The following KICS2 variants were observed in gnomAD, a reference collection of about 807,000 sequenced individuals.
KICS2 encodes the protein KICSTOR subunit 2.
In KICS2, 13 loss-of-function variants were observed where a neutral mutation model predicts 31.4. The observed-to-expected ratio is 0.41, with a 90% CI of 0.27 to 0.66. KICS2 has a LOEUF of 0.66. Ranked by LOEUF, KICS2 falls within the 30% of genes least tolerant of loss-of-function variation. The pLI is 0.28. For synonymous variants in KICS2, 209 were observed against 214.8 expected (o/e 0.97, Z 0.24); for missense variants, 455 against 545.4 (o/e 0.83, Z 1.65).
At position 64,194,429 on chromosome 12, in the gene KICS2, GC is replaced by G; in HGVS notation, c.750del (p.Gln250HisfsTer9). 1 of 1,614,198 alleles carries G rather than the reference GC, an allele frequency of 6.2e-7. No homozygotes were observed. The highest frequency in any genetic ancestry group is 8.5e-7 in the Non-Finnish European group (1 of 1,180,032). ...ATCAGCCAAAGGAAAAGGTGTGGAGGCTGCACGGCCTTCTGAGACTGCCCTC... is the reference window on the plus strand; with the variant it reads ...ATCAGCCAAAGGAAAAGGTGTGGAGGTGCACGGCCTTCTGAGACTGCCCTC... ...LFGGQSQKAV[Q>X]PPHLFLWLMK... On this transcript the variant is annotated frameshift_variant, in exon 3 of 3. Transcript: ENST00000398055. LOFTEE classifies it high-confidence loss of function.
At chr12:64,214,015 G>A (rs530225935) in intron 2 of KICS2, among the ~76,000 whole-genome samples, 1 of 152,286 alleles carries the variant, frequency 6.6e-6, no homozygotes, top group East Asian at 1.9e-4. Context: ...ATCATAGCCT[G>A]CTAAACTAAC....
At position 64,222,295 on chromosome 12, in the gene KICS2, C is replaced by T; in HGVS notation, c.-58G>A. 2 of 1,585,318 alleles carry T rather than the reference C, an allele frequency of 1.3e-6. No individual in the cohort carries two copies. The highest frequency in any genetic ancestry group is 1.8e-5 in the Admixed American group (1 of 55,746). ...CTCCTCGGCCTCGCACTTCCGGGTT[C>T]TGAGGGAACGGGCTTGCGCACAAGC... On this transcript the variant is annotated 5_prime_UTR_variant, in exon 1 of 3. Transcript: ENST00000398055.
At position 64,195,564 on chromosome 12, in the gene KICS2, T is replaced by C. The variant is rs935435752; in HGVS notation, c.522-906A>G. On this transcript the variant is annotated intron_variant, in intron 2 of 2. Transcript: ENST00000398055. ...TCCCAAATTCCCTTCATATTAATTATAGTTAAAAACAAAATGGTGTGGGGA... is the reference window on the plus strand; with the variant it reads ...TCCCAAATTCCCTTCATATTAATTACAGTTAAAAACAAAATGGTGTGGGGA... 2.0e-5 allele frequency among the ~76,000 whole-genome samples: 3 copies of C among 152,194 alleles called. No homozygotes were observed. The East Asian group carries it at 5.8e-4, about 29-fold the overall frequency.
At chr12:64,196,007 G>T (rs1218167678) in intron 2 of KICS2, among the ~76,000 whole-genome samples, 2 of 152,230 alleles carry the variant, frequency 1.3e-5, no homozygotes, top group Admixed American at 6.5e-5. Context: ...ACTGCAAGGC[G>T]GCAGCGAGGC....
Position 64,192,617 on chromosome 12 carries a change from C to T in KICS2, c.*1225G>A. ...CATTTCACACAAGCTTCAAAGGAAC[C>T]ATCAAACCAGTAACAACTCAATTAC... On this transcript the variant is annotated 3_prime_UTR_variant, in exon 3 of 3. Transcript: ENST00000398055. The T allele has an allele frequency of 1.0e-6, 1 of 985,346 alleles. No homozygotes were observed. The highest frequency in any genetic ancestry group is 1.1e-4 in the East Asian group (1 of 8,806). The allele number at this position is 985,346 out of a possible 1,614,324, so 61.0% of individuals were successfully genotyped here.
At chr12:64,209,281 A>G (rs1436427782) in intron 2 of KICS2, among the ~76,000 whole-genome samples, 1 of 152,100 alleles carries the variant, frequency 6.6e-6, no homozygotes, top group African/African-American at 2.4e-5. Flanking sequence ...GAACTTATAT[A>G]TGCTTAATAA....
In KICS2 at chr12:64,193,637, A is replaced by G. The variant is rs2037402639; in HGVS notation, c.*205T>C. 2.9e-6 allele frequency: 4 copies of G among 1,401,254 alleles called. No homozygotes were observed. Among genetic ancestry groups the G allele is most frequent in the Admixed American group, 6.2e-5 (2 of 32,026 alleles). 86.8% of individuals were successfully genotyped at this position (1,401,254 alleles called of 1,614,324 possible). A position where few individuals can be genotyped will look rare whatever the true frequency, so the allele number is the denominator to read the frequency against. On this transcript the variant is annotated 3_prime_UTR_variant, in exon 3 of 3. Coordinates refer to ENST00000398055, the MANE Select transcript of KICS2 (RefSeq NM_152440.5). ...GTACCATGGAGACACATGGTAGCCCATGACCACTTCCTAGATTACTCTTTG... is the reference window on the plus strand; with the variant it reads ...GTACCATGGAGACACATGGTAGCCCGTGACCACTTCCTAGATTACTCTTTG...
At chr12:64,188,677 T>TAA (rs989731514), downstream of KICS2, among the ~76,000 whole-genome samples, 2 of 150,414 alleles carry the variant, frequency 1.3e-5, no homozygotes, top group Non-Finnish European at 1.5e-5. Context: ...GAGGAAGGAA[T>TAA]AAAGGAAAGT....
At chr12:64,217,225 T>A (rs893996167) in intron 1 of KICS2, among the ~76,000 whole-genome samples, 5 of 152,188 alleles carry the variant, frequency 3.3e-5, no homozygotes, top group East Asian at 3.8e-4. Context: ...GAAATCTTTA[T>A]AAGGTTTTAA....
intron 2 of KICS2, chr12:64,204,766 G>C (rs1407011264): frequency 1.3e-5 from 2 of 151,576 alleles, no homozygotes; most frequent in Admixed American, 1.3e-4. Context: ...ATGGACAGCA[G>C]AGTGAGACCC....
At chr12:64,202,407 A>C (rs2037498602) in intron 2 of KICS2, among the ~76,000 whole-genome samples, 1 of 152,128 alleles carries the variant, frequency 6.6e-6, no homozygotes, top group African/African-American at 2.4e-5. Flanking sequence ...CTCCAAAAAA[A>C]AAAAGTTTTT....
intron 2 of KICS2, among the ~76,000 whole-genome samples, chr12:64,198,653 GA>G (rs1265769380): frequency 1.2e-3 from 71 of 60,490 alleles, no homozygotes; most frequent in Non-Finnish European, 1.9e-3. Flanking sequence ...AAAAATCAAT[GA>G]ATCCAGGAGC....
At chr12:64,215,360 A>G (rs979805083) in intron 2 of KICS2, among the ~76,000 whole-genome samples, 1 of 152,178 alleles carries the variant, frequency 6.6e-6, no homozygotes, top group African/African-American at 2.4e-5. Context: ...CAGAAAAAAG[A>G]AATTCCTATT....
intron 1 of KICS2, among the ~76,000 whole-genome samples, chr12:64,216,719 A>G (rs1222748108): frequency 6.6e-6 from 1 of 152,174 alleles, no homozygotes; most frequent in East Asian, 1.9e-4. Flanking sequence ...AAAAAATAAA[A>G]CCAAAAACAC....
Position 64,192,585 on chromosome 12 carries a change from A to T in KICS2, c.*1257T>A. 1 of 984,470 alleles carries T rather than the reference A, an allele frequency of 1.0e-6. No individual in the cohort carries two copies. The highest frequency in any genetic ancestry group is 4.7e-5 in the South Asian group (1 of 21,254). 61.0% of individuals were successfully genotyped at this position (984,470 alleles called of 1,614,324 possible). On this transcript the variant is annotated 3_prime_UTR_variant, in exon 3 of 3. Transcript: ENST00000398055. ...AATCATGGGAAAAAAGACGAATATGACCATTACATTTCACACAAGCTTCAA... is the reference window on the plus strand; with the variant it reads ...AATCATGGGAAAAAAGACGAATATGTCCATTACATTTCACACAAGCTTCAA...
At chr12:64,218,367 T>C (rs2037649273) in intron 1 of KICS2, among the ~76,000 whole-genome samples, 1 of 152,206 alleles carries the variant, frequency 6.6e-6, no homozygotes, top group Non-Finnish European at 1.5e-5. Flanking sequence ...TATGTTGATG[T>C]GCAAACTACT....
chr12:64,195,496 A>G (rs2037425591), intron 2 of KICS2, among the ~76,000 whole-genome samples: 1 of 152,232 alleles, frequency 6.6e-6, no homozygotes. Context: ...ATGTTTATTA[A>G]AGAAATAGAG....
chr12:64,211,943 T>C (rs1377130434), intron 2 of KICS2, among the ~76,000 whole-genome samples: 2 of 152,174 alleles, frequency 1.3e-5, no homozygotes, highest in African/African-American at 2.4e-5. Flanking sequence ...CATTCAAAAC[T>C]GTGTTATGAT....
intron 2 of KICS2, among the ~76,000 whole-genome samples, chr12:64,214,585 A>G (rs2037611139): frequency 6.6e-6 from 1 of 152,172 alleles, no homozygotes; most frequent in Non-Finnish European, 1.5e-5. Flanking sequence ...ACCTGCCGTT[A>G]AAAGCTCAAC....
Sources: gnomAD v4.1 joint callset for allele counts (sites outside exome capture counted in the v4.1 genomes callset) on GRCh38, gnomAD v4.1.1 for gene constraint, MANE v1.5 for transcripts, NCBI Gene and HGNC (gene_info 2026-07-23, HGNC 2026-07-21) for gene names.